Variants in RYR2 observed in about 807,000 individuals in gnomAD.
RYR2 encodes the protein cardiac muscle ryanodine receptor-calcium release channel.
In RYR2, 227 loss-of-function variants were observed where a neutral mutation model predicts 601.1. The ratio of observed to expected loss-of-function variants is 0.38; its 90% confidence interval spans 0.34 to 0.42. The LOEUF (loss-of-function observed/expected upper bound fraction) is 0.42. RYR2 is among the 10% of genes least tolerant of loss of function. The pLI is 1.00. For synonymous variants in RYR2, 2,223 were observed against 2,175.1 expected (o/e 1.02, Z -0.61); for missense variants, 4,646 against 6,156.5 (o/e 0.75, Z 8.21).
chr1:237,126,821 GT>G (rs1452548435), intron 1 of RYR2, among the ~76,000 whole-genome samples: 10 of 151,750 alleles, frequency 6.6e-5, no homozygotes, highest in African/African-American at 2.4e-4. Flanking sequence ...ATTCTTGGGT[GT>G]TTCTCACAGA....
At position 237,364,372 on chromosome 1, in the gene RYR2, G is replaced by A. The variant is rs532274202; in HGVS notation, c.309G>A (p.Lys103=). 9.0e-6 allele frequency: 14 copies of A among 1,549,744 alleles called. No individual in the cohort carries two copies. The African/African-American group carries it at 1.2e-4, about 14-fold the overall frequency. ...VDVEKWKFMM[K]TAQGGGHRTL... is the part of the protein sequence containing the mutation. ...TGCCCCTACAGAAATTCATGATGAA[G>A]GTAAGACATCTTAATATATATGCTA... is the stretch of plus-strand genomic sequence containing the variant. Residue 103 remains lysine, a splice_region_variant and synonymous_variant, in exon 5 of 105, where the codon AAG becomes AAA. Transcript: ENST00000366574.
At chr1:237,061,826 C>A (rs1318111530) in intron 1 of RYR2, among the ~76,000 whole-genome samples, 2 of 151,634 alleles carry the variant, frequency 1.3e-5, no homozygotes, top group African/African-American at 4.8e-5. Context: ...TCTTCTTTGC[C>A]TACCCAAAGG....
At chr1:237,719,816 G>C (rs942957683) in intron 73 of RYR2, among the ~76,000 whole-genome samples, 1 of 151,506 alleles carries the variant, frequency 6.6e-6, no homozygotes, top group African/African-American at 2.4e-5. Flanking sequence ...ACTTATGAAA[G>C]TTTTGCCCCA....
intron 52 of RYR2, among the ~76,000 whole-genome samples, chr1:237,655,595 T>G (rs1399171832): frequency 6.6e-6 from 1 of 152,200 alleles, no homozygotes; most frequent in African/African-American, 2.4e-5. Flanking sequence ...AGTCAAAGAT[T>G]TTATTCTCCT....
chr1:237,344,612 A>G (rs1698134130), intron 3 of RYR2, among the ~76,000 whole-genome samples: 2 of 152,178 alleles, frequency 1.3e-5, no homozygotes, highest in South Asian at 4.1e-4. Context: ...AGCCAGAAGT[A>G]ATATTTCTAC....
At chr1:237,047,657 T>C (rs1660759704) in intron 1 of RYR2, among the ~76,000 whole-genome samples, 1 of 152,170 alleles carries the variant, frequency 6.6e-6, no homozygotes, top group East Asian at 1.9e-4. Flanking sequence ...CCTATTCCCT[T>C]AGATTCCTTC....
At chr1:237,624,009 A>G in intron 39 of RYR2, 139 bp downstream of exon 39, 1 of 639,654 alleles carries the variant, frequency 1.6e-6, no homozygotes, top group South Asian at 2.0e-5. Flanking sequence ...AACATTTATT[A>G]TTATGGCAAA....
chr1:237,327,648 G>T (rs1273769326), intron 2 of RYR2, among the ~76,000 whole-genome samples: 1 of 152,164 alleles, frequency 6.6e-6, no homozygotes, highest in Non-Finnish European at 1.5e-5. Context: ...TGCAAGAACC[G>T]ATTTTAAGAA....
At chr1:237,367,584 T>A (rs980723732) in intron 5 of RYR2, among the ~76,000 whole-genome samples, 1 of 133,836 alleles carries the variant, frequency 7.5e-6, no homozygotes, top group Non-Finnish European at 1.6e-5. Flanking sequence ...TTTCTGTACT[T>A]CTTAAGGCAC....
chr1:237,208,377 G>A (rs143770938), intron 1 of RYR2, among the ~76,000 whole-genome samples: 69 of 152,266 alleles, frequency 4.5e-4, no homozygotes, highest in African/African-American at 1.6e-3. Context: ...TTCCTCTGCT[G>A]AAGCATTCTA....
At chr1:237,515,607 C>A in intron 24 of RYR2, among the ~76,000 whole-genome samples, 1 of 148,368 alleles carries the variant, frequency 6.7e-6, no homozygotes, top group Admixed American at 6.7e-5. Flanking sequence ...TCTTTTCCTC[C>A]TCCTCCTCCC....
chr1:237,195,454 T>G (rs1680453162), intron 1 of RYR2, among the ~76,000 whole-genome samples: 1 of 152,178 alleles, frequency 6.6e-6, no homozygotes, highest in Non-Finnish European at 1.5e-5. Context: ...GGTTTCTCCA[T>G]GTTTGTCAGG....
chr1:237,641,474 T>TG (rs1312712544), intron 47 of RYR2, among the ~76,000 whole-genome samples: 33 of 17,336 alleles, frequency 1.9e-3, no homozygotes, highest in African/African-American at 2.6e-3. Flanking sequence ...TCTGTCTGTC[T>TG]TTCTTTCTTT....
chr1:237,340,624 T>C (rs896313439), intron 3 of RYR2, among the ~76,000 whole-genome samples: 3 of 152,194 alleles, frequency 2.0e-5, no homozygotes, highest in African/African-American at 7.2e-5. Context: ...TAACCTTATT[T>C]TAAGAGGCTG....
chr1:237,759,211 C>A (rs1184740852), intron 82 of RYR2, among the ~76,000 whole-genome samples: 2 of 152,080 alleles, frequency 1.3e-5, no homozygotes, highest in African/African-American at 4.8e-5. Context: ...CTCAGCCTCC[C>A]GAGTAGCTGG....
chr1:237,467,779 T>C (rs1660244828), intron 16 of RYR2, among the ~76,000 whole-genome samples: 1 of 152,102 alleles, frequency 6.6e-6, no homozygotes, highest in Non-Finnish European at 1.5e-5. Flanking sequence ...TCCCTCCTGC[T>C]CTTAACAGGG....
intron 2 of RYR2, among the ~76,000 whole-genome samples, chr1:237,323,982 G>C (rs551053687): frequency 2.2e-4 from 33 of 152,194 alleles, no homozygotes; most frequent in African/African-American, 7.9e-4. Flanking sequence ...GCGCAAAGTG[G>C]GATGAAGGGA....
chr1:237,173,852 C>CGA (rs56034170), intron 1 of RYR2, among the ~76,000 whole-genome samples: 60,829 of 151,752 alleles, frequency 0.4, 14,639 homozygotes, highest in Non-Finnish European at 0.53. Flanking sequence ...GTCAGGAGAT[C>CGA]GAGACCATCC....
chr1:237,788,941 A>G (rs1310227486), intron 92 of RYR2, among the ~76,000 whole-genome samples: 3 of 150,436 alleles, frequency 2.0e-5, no homozygotes, highest in Non-Finnish European at 3.0e-5. Context: ...CTCCATGCTT[A>G]TCTCCTATCC....
Sources: allele counts gnomAD v4.1 joint callset (sites outside exome capture counted in the v4.1 genomes callset), GRCh38; gene constraint gnomAD v4.1.1; transcripts MANE v1.5; gene names NCBI Gene and HGNC (gene_info 2026-07-23, HGNC 2026-07-21).